Variants in SMARCA2 observed in about 807,000 individuals in gnomAD.
SMARCA2 encodes SWI/SNF-related matrix-associated actin-dependent regulator of chromatin subfamily A member 2.
In SMARCA2, 61 loss-of-function variants were observed where a neutral mutation model predicts 199.8. That is an observed-to-expected ratio of 0.31 (90% CI 0.25 to 0.38). SMARCA2 has a LOEUF of 0.38. SMARCA2 is among the 10% of genes least tolerant of loss of function. The probability of loss-of-function intolerance (pLI) is 1.00; values close to 1 mark genes in which losing one functional copy is unlikely to be tolerated. For synonymous variants in SMARCA2, 935 were observed against 732.0 expected (o/e 1.28, Z -4.48); for missense variants, 1,344 against 2,012.2 (o/e 0.67, Z 6.35).
At chr9:2,082,183 T>C (rs1216447891) in intron 15 of SMARCA2, among the ~76,000 whole-genome samples, 188 bp downstream of exon 15, 9 of 152,092 alleles carry the variant, frequency 5.9e-5, no homozygotes, top group Admixed American at 3.3e-4. Flanking sequence ...CCTGTTTGAT[T>C]GGCTATTTAA....
intron 8 of SMARCA2, among the ~76,000 whole-genome samples, chr9:2,060,118 C>CAAAAAAAA (rs372329238): frequency 3.5e-4 from 22 of 62,402 alleles, no homozygotes; most frequent in African/African-American, 9.3e-4. Context: ...GATCTGTGGC[C>CAAAAAAAA]AAAAAAAAAA....
intron 28 of SMARCA2, among the ~76,000 whole-genome samples, chr9:2,165,329 CT>C (rs1563817723): frequency 2.0e-5 from 3 of 152,262 alleles, no homozygotes; most frequent in Non-Finnish European, 2.9e-5. Context: ...GCAGATGTAT[CT>C]TGATATTTTC....
At chr9:2,037,764 T>C (rs1586633043) in intron 3 of SMARCA2, among the ~76,000 whole-genome samples, 1 of 152,320 alleles carries the variant, frequency 6.6e-6, no homozygotes, top group Non-Finnish European at 1.5e-5. Context: ...GCAGAGACTT[T>C]TCATCTATGT....
chr9:2,160,207 G>A, intron 27 of SMARCA2: 1 of 378,722 alleles, frequency 2.6e-6, no homozygotes, highest in Non-Finnish European at 4.7e-6. Flanking sequence ...GCAATAATGT[G>A]AAGCTTTTTT....
chr9:2,107,646 T>C (rs549092337), intron 23 of SMARCA2, among the ~76,000 whole-genome samples: 4 of 152,306 alleles, frequency 2.6e-5, no homozygotes, highest in African/African-American at 7.2e-5. Flanking sequence ...ACCAGATATA[T>C]GGTTGGCCTG....
chr9:2,159,829 G>A, intron 27 of SMARCA2: 2 of 1,611,582 alleles, frequency 1.2e-6, no homozygotes, highest in Non-Finnish European at 1.7e-6. Context: ...GAAGAGACTA[G>A]CAGCTCGCTG....
chr9:2,050,945 C>G (rs1393464008), intron 5 of SMARCA2, among the ~76,000 whole-genome samples: 4 of 152,330 alleles, frequency 2.6e-5, no homozygotes, highest in African/African-American at 9.6e-5. Context: ...TGACCTAATT[C>G]TGCATCAATT....
At chr9:2,037,959 A>T (rs926309029) in intron 3 of SMARCA2, among the ~76,000 whole-genome samples, 1 of 152,204 alleles carries the variant, frequency 6.6e-6, no homozygotes, top group Non-Finnish European at 1.5e-5. Context: ...TCATCTCCTG[A>T]AATAAGTCCC....
chr9:2,154,057 G>C (rs944583657), intron 27 of SMARCA2, among the ~76,000 whole-genome samples: 3 of 152,218 alleles, frequency 2.0e-5, no homozygotes, highest in Non-Finnish European at 2.9e-5. Flanking sequence ...GCCAGACTTT[G>C]AGTTCAAATA....
At chr9:2,050,151 A>G (rs555015138) in intron 5 of SMARCA2, among the ~76,000 whole-genome samples, 31 of 152,146 alleles carry the variant, frequency 2.0e-4, no homozygotes, top group Non-Finnish European at 2.9e-4. Context: ...TTTTTCATTC[A>G]TAGCATAAAT....
Position 2,039,820 on chromosome 9 carries a change from A to C in SMARCA2, c.710A>C (p.Gln237Pro), listed in dbSNP as rs1475414100. 4.4e-6 allele frequency: 7 copies of C among 1,608,018 alleles called. No individual in the cohort carries two copies. Among genetic ancestry groups the C allele is most frequent in the Non-Finnish European group, 5.9e-6 (7 of 1,177,188 alleles). Reference protein sequence around the residue: ...QQQQQQQQQQQQPQQQPPQPQ... With the variant: ...QQQQQQQQQQPQPQQQPPQPQ... ...CAGCAGCAGCAGCAGCAGCAGCAAC[A>C]GCAGCCGCAGCAGCAGCCGCCGCAA... is the stretch of plus-strand genomic sequence containing the variant. Residue 237 changes from glutamine (Q) to proline (P), a missense_variant, in exon 4 of 34, where the codon CAG (glutamine) becomes CCG (proline). Transcript: ENST00000349721. The surrounding 1 kb of genome is among the most constrained non-coding windows in gnomAD (Gnocchi z 4.8).
intron 27 of SMARCA2, among the ~76,000 whole-genome samples, chr9:2,124,503 G>C (rs1823601227): frequency 6.6e-6 from 1 of 152,268 alleles, no homozygotes; most frequent in African/African-American, 2.4e-5. Flanking sequence ...GCCCAGAGAG[G>C]TGACATGGCT....
intron 28 of SMARCA2, among the ~76,000 whole-genome samples, chr9:2,163,356 A>C (rs1324962492): frequency 2.0e-5 from 3 of 152,202 alleles, no homozygotes; most frequent in African/African-American, 4.8e-5. Context: ...TTGGGTTTGG[A>C]CCAACGGTTC....
At position 2,029,085 on chromosome 9, in the gene SMARCA2, T is replaced by A. The variant is rs756655795; in HGVS notation, c.63T>A (p.Pro21=). Residue 21 remains proline, a synonymous_variant, in exon 2 of 34, where the codon CCT becomes CCA. Coordinates refer to ENST00000349721, the MANE Select transcript of SMARCA2 (RefSeq NM_003070.5). The stretch of plus-strand genomic sequence containing the variant: ...CAGGGCCTTCGCCGGGGCCTGGGCC[T>A]TCCCCTGGGCCAATTCTTGGGCCTA... ...PHPGPSPGPG[P]SPGPILGPSP... is the part of the protein sequence containing the mutation. 12 of 1,579,690 alleles carry A rather than the reference T, an allele frequency of 7.6e-6. No individual in the cohort carries two copies. The African/African-American group carries it at 1.4e-4, about 18-fold the overall frequency.
rs575080420 is a variant in SMARCA2 at position 2,186,772 on chromosome 9, C to G, written c.4594+544C>G. ...AACTCCTGGCCTCACGTGATCCACC[C>G]GCCTCGGCCTCCCAAAGTGCTGGGA... is the stretch of plus-strand genomic sequence containing the variant. On this transcript the variant is annotated intron_variant, in intron 32 of 33. Coordinates refer to ENST00000349721, the MANE Select transcript of SMARCA2 (RefSeq NM_003070.5). 3.3e-3 allele frequency among the ~76,000 whole-genome samples: 510 copies of G among 152,338 alleles called. 2 individuals are homozygous for G. The highest frequency in any genetic ancestry group is 0.012 in the African/African-American group (484 of 41,578).
rs1244576887 is a variant in SMARCA2 at position 2,056,009 on chromosome 9, A to AT, written c.1174-660dup. Among the ~76,000 whole-genome samples the AT allele has an allele frequency of 6.6e-6, 1 of 152,252 alleles. No individual in the cohort carries two copies. The highest frequency in any genetic ancestry group is 1.5e-5 in the Non-Finnish European group (1 of 68,044). On this transcript the variant is annotated intron_variant, in intron 6 of 33. Coordinates refer to ENST00000349721, the MANE Select transcript of SMARCA2 (RefSeq NM_003070.5). The surrounding 1 kb of genome is among the most constrained non-coding windows in gnomAD (Gnocchi z 4.0). Reference sequence around the variant, plus strand: ...ATATTTCAGATGCAGTGGAATGATTATTTAATGTGTATTCTCCAGTCCCTA... The same window carrying AT: ...ATATTTCAGATGCAGTGGAATGATTATTTTAATGTGTATTCTCCAGTCCCTA...
At chr9:2,020,727 A>G (rs1242628224) in intron 1 of SMARCA2, among the ~76,000 whole-genome samples, 1 of 152,190 alleles carries the variant, frequency 6.6e-6, no homozygotes, top group African/African-American at 2.4e-5. Context: ...TTAAGTAGTA[A>G]AAGTTATAAA....
chr9:2,119,831 A>T lies in SMARCA2; in HGVS notation c.3762+296A>T, dbSNP rs1823376106. ...CAGGCCCACATCTTTGTGTGGAAAC[A>T]GTTGGCCAGGGCTGAGTAGCAGCTG... On this transcript the variant is annotated intron_variant, in intron 26 of 33. Transcript: ENST00000349721. The surrounding 1 kb of genome is among the most constrained non-coding windows in gnomAD (Gnocchi z 4.6). 6.6e-6 allele frequency among the ~76,000 whole-genome samples: 1 copy of T among 152,240 alleles called. No individual in the cohort carries two copies. The highest frequency in any genetic ancestry group is 2.4e-5 in the African/African-American group (1 of 41,462).
chr9:2,050,975 C>G (rs192663017), intron 5 of SMARCA2, among the ~76,000 whole-genome samples: 4 of 152,294 alleles, frequency 2.6e-5, no homozygotes, highest in African/African-American at 9.6e-5. Context: ...CGTGAGGACG[C>G]TAAATGAGTC....
Sources: gnomAD v4.1 joint callset for allele counts (sites outside exome capture counted in the v4.1 genomes callset) on GRCh38, gnomAD v4.1.1 for gene constraint, Gnocchi (gnomAD v3.1) non-coding constraint, MANE v1.5 for transcripts, NCBI Gene and HGNC (gene_info 2026-07-23, HGNC 2026-07-21) for gene names.